The following ESRRG variants were observed in gnomAD, a reference collection of about 807,000 sequenced individuals.
ESRRG encodes estrogen related receptor gamma.
Under a neutral mutation model 44.0 loss-of-function variants are expected in ESRRG, and 13 were observed. The observed-to-expected ratio is 0.30, with a 90% CI of 0.19 to 0.47. The LOEUF (loss-of-function observed/expected upper bound fraction) is 0.47, where lower values mean the gene tolerates loss of function less well. ESRRG is among the 20% of genes least tolerant of loss of function. ESRRG has a pLI of 1.00. For synonymous variants in ESRRG, 215 were observed against 214.6 expected (o/e 1.00, Z -0.02); for missense variants, 395 against 580.6 (o/e 0.68, Z 3.29).
At chr1:216,688,495 C>T (rs1381322954) in intron 1 of ESRRG, among the ~76,000 whole-genome samples, 1 of 152,074 alleles carries the variant, frequency 6.6e-6, no homozygotes, top group African/African-American at 2.4e-5. Context: ...TTTATGAACA[C>T]AAACCATACA....
intron 1 of ESRRG, among the ~76,000 whole-genome samples, chr1:216,944,740 C>T (rs2065799049): frequency 6.6e-6 from 1 of 152,066 alleles, no homozygotes; most frequent in African/African-American, 2.4e-5. Flanking sequence ...CCATATCTGC[C>T]TGAAAGTGGT....
At chr1:216,797,039 G>A (rs1395788356) in intron 2 of ESRRG, among the ~76,000 whole-genome samples, 1 of 151,924 alleles carries the variant, frequency 6.6e-6, no homozygotes, top group Non-Finnish European at 1.5e-5. Flanking sequence ...TTACAGGCGT[G>A]TGCTGTCACA....
At chr1:217,016,158 T>C (rs2079350301) in intron 1 of ESRRG, among the ~76,000 whole-genome samples, 1 of 152,116 alleles carries the variant, frequency 6.6e-6, no homozygotes. Context: ...TAAAATTCAA[T>C]TGAAGAAAAT....
At chr1:216,671,384 T>G (rs775328649) in intron 2 of ESRRG, among the ~76,000 whole-genome samples, 1 of 152,164 alleles carries the variant, frequency 6.6e-6, no homozygotes, top group Non-Finnish European at 1.5e-5. Flanking sequence ...TTTACGATCA[T>G]AGCTAAAGGG....
chr1:216,801,702 A>G (rs2094626140), intron 2 of ESRRG, among the ~76,000 whole-genome samples: 1 of 152,142 alleles, frequency 6.6e-6, no homozygotes, highest in Non-Finnish European at 1.5e-5. Context: ...GACGTTGAGT[A>G]CCTTTTCATA....
At chr1:216,583,741 G>A (rs2063238764) in intron 3 of ESRRG, among the ~76,000 whole-genome samples, 1 of 152,214 alleles carries the variant, frequency 6.6e-6, no homozygotes, top group South Asian at 2.1e-4. Flanking sequence ...AAGGAATGAG[G>A]TTTAATTGGA....
chr1:217,121,591 G>T (rs879563969), intron 1 of ESRRG, among the ~76,000 whole-genome samples: 4 of 152,138 alleles, frequency 2.6e-5, no homozygotes, highest in African/African-American at 7.2e-5. Context: ...AGATGAAAAT[G>T]ACTGGAGATA....
At chr1:216,596,283 C>T (rs1254598977) in intron 3 of ESRRG, among the ~76,000 whole-genome samples, 1 of 152,166 alleles carries the variant, frequency 6.6e-6, no homozygotes, top group Non-Finnish European at 1.5e-5. Flanking sequence ...GATAAGACTG[C>T]CAACTCCACT....
At chr1:217,108,133 A>T (rs1295371448) in intron 1 of ESRRG, among the ~76,000 whole-genome samples, 1 of 152,142 alleles carries the variant, frequency 6.6e-6, no homozygotes, top group Non-Finnish European at 1.5e-5. Context: ...TCTTGACAAC[A>T]CAAACTCTTA....
At chr1:216,876,312 A>C (rs554264137) in intron 2 of ESRRG, among the ~76,000 whole-genome samples, 1 of 152,332 alleles carries the variant, frequency 6.6e-6, no homozygotes, top group African/African-American at 2.4e-5. Flanking sequence ...AATAACAAAT[A>C]GTCACATATA....
intron 1 of ESRRG, among the ~76,000 whole-genome samples, chr1:216,960,109 G>A (rs2068739551): frequency 6.7e-6 from 1 of 149,724 alleles, no homozygotes; most frequent in Non-Finnish European, 1.5e-5. Context: ...ATTACAAATA[G>A]AACATTGAAG....
At chr1:217,033,721 C>T (rs537056384) in intron 1 of ESRRG, among the ~76,000 whole-genome samples, 8 of 152,194 alleles carry the variant, frequency 5.3e-5, no homozygotes, top group Admixed American at 3.3e-4. Flanking sequence ...GCATAGTTAC[C>T]AGTTAGCTTA....
rs1043679208 is a variant in ESRRG at position 216,736,073 on chromosome 1, AG to A, written c.-13-58583del. 7.2e-3 allele frequency among the ~76,000 whole-genome samples: 799 copies of A among 111,400 alleles called. 4 individuals carry two copies. The highest frequency in any genetic ancestry group is 0.025 in the African/African-American group (752 of 29,882). The allele number at this position is 111,400 out of a possible 152,430, so 73.1% of individuals were successfully genotyped here. A position where few individuals can be genotyped will look rare whatever the true frequency, so the allele number is the denominator to read the frequency against. ...ACCTTCACTTGAGAAAGATGAGAACAGGGGGGGAGTTTCCCAAATGCCCATT... is the reference window on the plus strand; with the variant it reads ...ACCTTCACTTGAGAAAGATGAGAACAGGGGGGAGTTTCCCAAATGCCCATT... On this transcript the variant is annotated intron_variant, in intron 2 of 7. Transcript: ENST00000359162.
intron 2 of ESRRG, among the ~76,000 whole-genome samples, chr1:216,731,254 A>G (rs2088709921): frequency 6.6e-6 from 1 of 152,236 alleles, no homozygotes; most frequent in Non-Finnish European, 1.5e-5. Flanking sequence ...AATGTTGACA[A>G]GGATCCCATG....
chr1:216,812,869 G>A (rs1393241018), intron 2 of ESRRG, among the ~76,000 whole-genome samples: 1 of 152,068 alleles, frequency 6.6e-6, no homozygotes, highest in Non-Finnish European at 1.5e-5. Context: ...ATGAATTTAG[G>A]GTCTATTTTC....
chr1:216,682,482 A>C lies in ESRRG; in HGVS notation c.57-4991T>G, dbSNP rs369885198. ...CAATGCAGCGAATCTCCAAGTTTAC[A>C]TACAAATACAGAGATAAGAAGAGTC... On this transcript the variant is annotated intron_variant, in intron 1 of 6. Transcript: ENST00000408911. Among the ~76,000 whole-genome samples, 34 of 152,282 alleles carry C rather than the reference A, an allele frequency of 2.2e-4. No individual in the cohort carries two copies. In the East Asian group the frequency reaches 4.1e-3, roughly 18 times the overall value.
chr1:216,770,406 T>C (rs2093332833), intron 2 of ESRRG, among the ~76,000 whole-genome samples: 1 of 152,144 alleles, frequency 6.6e-6, no homozygotes, highest in South Asian at 2.1e-4. Context: ...GTTTACTCTA[T>C]AGATGTTTGC....
At chr1:216,985,617 G>A (rs1478841877) in intron 1 of ESRRG, 1 of 152,172 alleles carries the variant, frequency 6.6e-6, no homozygotes, top group African/African-American at 2.4e-5. Context: ...TATTGTGTAA[G>A]ACAATGTTGG....
chr1:217,003,167 C>A (rs1028179983), intron 1 of ESRRG, among the ~76,000 whole-genome samples: 1 of 151,980 alleles, frequency 6.6e-6, no homozygotes, highest in Non-Finnish European at 1.5e-5. Flanking sequence ...AAAAAAAAAT[C>A]TTTCATTTGA....
Sources: gnomAD v4.1 joint callset for allele counts (sites outside exome capture counted in the v4.1 genomes callset) on GRCh38, gnomAD v4.1.1 for gene constraint, MANE v1.5 for transcripts, NCBI Gene and HGNC (gene_info 2026-07-23, HGNC 2026-07-21) for gene names.